BUB1: variants seen among roughly 807,000 people sequenced by gnomAD.
BUB1 encodes the protein BUB1 mitotic checkpoint serine/threonine kinase.
A neutral mutation model predicts 135.2 loss-of-function variants in BUB1; 84 were observed. The ratio of observed to expected loss-of-function variants is 0.62; its 90% confidence interval spans 0.52 to 0.74. The LOEUF (loss-of-function observed/expected upper bound fraction) is 0.74, where lower values mean the gene tolerates loss of function less well. Among genes scored for constraint, BUB1 ranks in the 30% least tolerant of loss-of-function variants. BUB1 has a pLI of 0.00. For synonymous variants in BUB1, 403 were observed against 434.4 expected (o/e 0.93, Z 0.90); for missense variants, 1,162 against 1,288.3 (o/e 0.90, Z 1.50).
intron 19 of BUB1, 142 bp from the exon 20 acceptor site, chr2:110,642,376 G>C: frequency 4.0e-6 from 2 of 503,048 alleles, no homozygotes; most frequent in East Asian, 6.7e-5. Context: ...ACATAACCAT[G>C]GTATATTTGT....
intron 19 of BUB1, 60 bp downstream of exon 19, chr2:110,649,174 A>T: frequency 6.8e-7 from 1 of 1,466,396 alleles, no homozygotes; most frequent in Non-Finnish European, 9.4e-7. Flanking sequence ...CACACACGTT[A>T]CCATCAACTT....
intron 1 of BUB1, chr2:110,674,885 C>T (rs1473003644): frequency 5.9e-6 from 1 of 169,558 alleles, no homozygotes; most frequent in Non-Finnish European, 1.3e-5. Flanking sequence ...GACACCTGCC[C>T]TTCCAGTGGG....
intron 11 of BUB1, 100 bp downstream of exon 11, chr2:110,659,878 A>G: frequency 1.2e-6 from 1 of 863,494 alleles, no homozygotes; most frequent in South Asian, 1.9e-5. Flanking sequence ...ACTCAGGTTC[A>G]TTAAGGCCTG....
chr2:110,663,854 T>C (rs368558561), intron 9 of BUB1, among the ~76,000 whole-genome samples: 150 of 152,052 alleles, frequency 9.9e-4, no homozygotes, highest in East Asian at 2.7e-3. Flanking sequence ...GGTGAAACCC[T>C]GTCTCTACTA....
chr2:110,650,245 C>G (rs957259650), intron 18 of BUB1, among the ~76,000 whole-genome samples: 1 of 151,820 alleles, frequency 6.6e-6, no homozygotes, highest in Non-Finnish European at 1.5e-5. Flanking sequence ...CCTCAGTTTA[C>G]TTCTGTAAAA....
At position 110,658,520 on chromosome 2, in the gene BUB1, C is replaced by T. The variant is rs745585708; in HGVS notation, c.1406G>A (p.Gly469Asp). Residue 469 changes from glycine (G) to aspartate (D), a missense_variant and splice_region_variant, in exon 13 of 25, where the codon GGT becomes GAT. Physicochemically the swap from Gly to Asp is moderately conservative, Grantham distance 94. Coordinates refer to ENST00000302759, the MANE Select transcript of BUB1 (RefSeq NM_004336.5). Reference sequence around the variant, plus strand: ...AGCCTGAAACATATTCATGATGAAACCTTAAAGAACAAAAAGAATAATTGT... The same window carrying T: ...AGCCTGAAACATATTCATGATGAAATCTTAAAGAACAAAAAGAATAATTGT... ...SPTVHTKEAL[G>D]FIMNMFQAPT... 1 of 1,613,602 alleles carries T rather than the reference C, an allele frequency of 6.2e-7. No homozygotes were observed. The highest frequency in any genetic ancestry group is 8.5e-7 in the Non-Finnish European group (1 of 1,179,852).
intron 11 of BUB1, 93 bp from the exon 12 acceptor site, chr2:110,658,835 T>C: frequency 6.8e-7 from 1 of 1,470,436 alleles, no homozygotes; most frequent in South Asian, 1.2e-5. Flanking sequence ...ATTAAAACAG[T>C]TTGTCATTGT....
chr2:110,663,717 A>G (rs1017744225), intron 9 of BUB1, among the ~76,000 whole-genome samples: 7 of 152,212 alleles, frequency 4.6e-5, no homozygotes, highest in Non-Finnish European at 8.8e-5. Context: ...AGATAGGAAC[A>G]TTGTAAAATT....
At chr2:110,670,162 G>A (rs951356673) in intron 5 of BUB1, among the ~76,000 whole-genome samples, 22 of 135,280 alleles carry the variant, frequency 1.6e-4, no homozygotes, top group Non-Finnish European at 2.6e-4. Context: ...TTGTGGAGAC[G>A]GAGTCTCACT....
At chr2:110,665,603 GTA>G (rs1292199894) in intron 9 of BUB1, among the ~76,000 whole-genome samples, 4 of 147,410 alleles carry the variant, frequency 2.7e-5, no homozygotes, top group Middle Eastern at 3.6e-3. Flanking sequence ...GTGTGTGTGT[GTA>G]TGCATACATA....
intron 17 of BUB1, among the ~76,000 whole-genome samples, chr2:110,652,664 G>C (rs1363775629): frequency 1.3e-5 from 2 of 152,200 alleles, no homozygotes; most frequent in East Asian, 3.9e-4. Flanking sequence ...TGAATAATGA[G>C]AACTGACTGC....
chr2:110,676,826 T>C (rs891246668), intron 1 of BUB1, among the ~76,000 whole-genome samples: 6 of 152,242 alleles, frequency 3.9e-5, no homozygotes, highest in Admixed American at 2.0e-4. Context: ...AACGGTTACA[T>C]GTGACAGAGT....
intron 1 of BUB1, among the ~76,000 whole-genome samples, chr2:110,676,180 T>G (rs753323412): frequency 6.6e-6 from 1 of 151,858 alleles, no homozygotes; most frequent in Non-Finnish European, 1.5e-5. Context: ...AGAAAAAAAC[T>G]ATTAACCTAT....
chr2:110,642,454 C>G, intron 19 of BUB1: 1 of 315,342 alleles, frequency 3.2e-6, no homozygotes. Flanking sequence ...CTCACTTTCA[C>G]TAGTTTTTGC....
At chr2:110,677,247 A>G (rs919004221) in intron 1 of BUB1, among the ~76,000 whole-genome samples, 4 of 152,240 alleles carry the variant, frequency 2.6e-5, no homozygotes, top group African/African-American at 9.6e-5. Context: ...AAAAAGTCTT[A>G]GAGCAAATGG....
At chr2:110,671,722 TA>T (rs1385946916) in intron 4 of BUB1, among the ~76,000 whole-genome samples, 1 of 152,134 alleles carries the variant, frequency 6.6e-6, no homozygotes, top group Non-Finnish European at 1.5e-5. Flanking sequence ...TACTAAAAAA[TA>T]ATTTTATGAT....
At position 110,669,433 on chromosome 2, in the gene BUB1, G is replaced by T; in HGVS notation, c.567+20C>A. Reference sequence around the variant, plus strand: ...AATACCATTCCCAGTTTCCACACAAGCTACAAATGTCATTATTACCTGATT... The same window carrying T: ...AATACCATTCCCAGTTTCCACACAATCTACAAATGTCATTATTACCTGATT... On this transcript the variant is annotated intron_variant, in intron 6 of 24. Transcript: ENST00000302759. The T allele has an allele frequency of 6.5e-7, 1 of 1,527,016 alleles. No individual in the cohort carries two copies. Among genetic ancestry groups the T allele is most frequent in the Non-Finnish European group, 9.1e-7 (1 of 1,100,930 alleles). 94.6% of individuals were successfully genotyped at this position (1,527,016 alleles called of 1,614,324 possible).
rs148509304 is a variant in BUB1, at chr2:110,660,038, T to C, written c.1218-2A>G. The C allele has an allele frequency of 1.8e-5, 29 of 1,610,442 alleles. No individual in the cohort carries two copies. In the African/African-American group the frequency reaches 3.1e-4, roughly 17 times the overall value. On this transcript the variant is annotated splice_acceptor_variant, in intron 10 of 24. Coordinates refer to ENST00000302759, the MANE Select transcript of BUB1 (RefSeq NM_004336.5). LOFTEE classifies it high-confidence loss of function. ...TCATGAGTACTCTTATTCACACATC[T>C]GGAAGAGAAAACTCTTGAGACACAC...
rs1026159076 is a variant in BUB1, at chr2:110,661,830, T to G, written c.969A>C (p.Ala323=). The G allele has an allele frequency of 5.0e-6, 8 of 1,614,084 alleles. No homozygotes were observed. Among genetic ancestry groups the G allele is most frequent in the African/African-American group, 1.3e-5 (1 of 75,044 alleles). Residue 323 remains alanine, a synonymous_variant, in exon 10 of 25, where the codon GCA becomes GCC. Transcript: ENST00000302759. ...GGGAGCCTACACTTGGCCCCATACG[T>G]GCTGGATTAACCTTTCATATTAAAC... is the stretch of plus-strand genomic sequence containing the variant. The part of the protein sequence containing the change: ...ASQERSEVNP[A]RMGPSVGSQQ...
Sources: allele counts gnomAD v4.1 joint callset (sites outside exome capture counted in the v4.1 genomes callset), GRCh38; gene constraint gnomAD v4.1.1; transcripts MANE v1.5; gene names NCBI Gene and HGNC (gene_info 2026-07-23, HGNC 2026-07-21).